Variants in NCALD observed in about 807,000 individuals in gnomAD.
NCALD encodes neurocalcin delta, also known as neurocalcin-delta.
A neutral mutation model predicts 18.6 loss-of-function variants in NCALD; 10 were observed. That is an observed-to-expected ratio of 0.54 (90% CI 0.33 to 0.91). The LOEUF is 0.91. Ranked by LOEUF, NCALD falls within the 40% of genes least tolerant of loss-of-function variation. The pLI is 0.03. For missense variants in NCALD, 184 were observed against 247.6 expected (o/e 0.74, Z 1.72); for synonymous variants, 88 against 87.4 (o/e 1.01, Z -0.04).
intron 2 of NCALD, among the ~76,000 whole-genome samples, chr8:101,706,935 TA>T (rs1228196966): frequency 1.3e-5 from 2 of 152,242 alleles, no homozygotes; most frequent in African/African-American, 4.8e-5. Flanking sequence ...AAGCAAGCAC[TA>T]AAGTCAGTTC....
intron 1 of NCALD, among the ~76,000 whole-genome samples, chr8:102,036,886 T>C (rs1822886192): frequency 6.6e-6 from 1 of 152,224 alleles, no homozygotes. Flanking sequence ...CAACATTTTA[T>C]AAGATTAATT....
chr8:101,945,452 A>C (rs189560892), intron 2 of NCALD, among the ~76,000 whole-genome samples: 21 of 152,340 alleles, frequency 1.4e-4, no homozygotes, highest in African/African-American at 3.8e-4. Flanking sequence ...GGAAAATGGA[A>C]AAGAGGTAAG....
chr8:101,799,167 T>C (rs572960323), intron 4 of NCALD, among the ~76,000 whole-genome samples: 82 of 152,080 alleles, frequency 5.4e-4, no homozygotes, highest in Admixed American at 8.5e-4. Flanking sequence ...TCAAAGAATA[T>C]ACACAGATAA....
intron 1 of NCALD, among the ~76,000 whole-genome samples, chr8:101,733,166 A>C (rs1442445939): frequency 6.6e-6 from 1 of 152,218 alleles, no homozygotes; most frequent in Non-Finnish European, 1.5e-5. Context: ...CATGGCTAAA[A>C]GTATTAATGT....
intron 1 of NCALD, among the ~76,000 whole-genome samples, chr8:102,027,340 C>T (rs2132123844): frequency 6.6e-6 from 1 of 152,298 alleles, no homozygotes; most frequent in South Asian, 2.1e-4. Flanking sequence ...CTGCCAGATA[C>T]CCTATATCAT....
intron 3 of NCALD, among the ~76,000 whole-genome samples, chr8:101,914,615 A>G (rs1464797653): frequency 6.6e-6 from 1 of 152,212 alleles, no homozygotes; most frequent in Non-Finnish European, 1.5e-5. Flanking sequence ...ATGTATTTAT[A>G]TCAGTATAGA....
chr8:101,877,158 A>G (rs1002561466), intron 4 of NCALD, among the ~76,000 whole-genome samples: 1 of 152,258 alleles, frequency 6.6e-6, no homozygotes, highest in Admixed American at 6.5e-5. Context: ...ACAGTTAAAG[A>G]TTTGAAGTAA....
chr8:101,945,780 C>T (rs1819145120), intron 2 of NCALD, among the ~76,000 whole-genome samples: 1 of 152,178 alleles, frequency 6.6e-6, no homozygotes, highest in Non-Finnish European at 1.5e-5. Context: ...TTCAAAGGTT[C>T]CTAAGCTTCT....
chr8:101,916,145 T>C (rs1453223960), intron 2 of NCALD, among the ~76,000 whole-genome samples: 1 of 152,076 alleles, frequency 6.6e-6, no homozygotes, highest in Non-Finnish European at 1.5e-5. Flanking sequence ...GAAGAGGATA[T>C]GAGAGTTAAG....
At chr8:101,804,635 T>C (rs1241563920) in intron 4 of NCALD, among the ~76,000 whole-genome samples, 2 of 135,852 alleles carry the variant, frequency 1.5e-5, no homozygotes, top group Non-Finnish European at 3.1e-5. Flanking sequence ...TTAATATAAT[T>C]AACTATTATA....
At chr8:101,863,172 T>A (rs1344475688) in intron 4 of NCALD, among the ~76,000 whole-genome samples, 3 of 152,152 alleles carry the variant, frequency 2.0e-5, no homozygotes, top group Non-Finnish European at 4.4e-5. Context: ...CTCCATCACC[T>A]CTCATTCTCT....
intron 1 of NCALD, among the ~76,000 whole-genome samples, chr8:101,777,979 G>A (rs761536867): frequency 4.6e-5 from 7 of 152,216 alleles, no homozygotes; most frequent in Non-Finnish European, 8.8e-5. Flanking sequence ...ATTCAGGTCT[G>A]GAGCCATAGG....
At chr8:101,911,879 T>G (rs1427923470) in intron 3 of NCALD, among the ~76,000 whole-genome samples, 1 of 152,160 alleles carries the variant, frequency 6.6e-6, no homozygotes, top group Non-Finnish European at 1.5e-5. Flanking sequence ...AACCCACAGT[T>G]AGACACAAGG....
chr8:101,838,947 C>T (rs567690662), intron 4 of NCALD, among the ~76,000 whole-genome samples: 1 of 152,284 alleles, frequency 6.6e-6, no homozygotes, highest in East Asian at 1.9e-4. Context: ...AGTGGTTCAG[C>T]ATTTATAGGG....
Position 102,045,337 on chromosome 8 carries a change from T to A in NCALD, c.-209-25048A>T, listed in dbSNP as rs79469886. 8.8e-3 allele frequency among the ~76,000 whole-genome samples: 1,340 copies of A among 152,332 alleles called. 13 individuals are homozygous for A. The highest frequency in any genetic ancestry group is 0.013 in the Non-Finnish European group (898 of 68,024). On this transcript the variant is annotated intron_variant, in intron 1 of 6. Transcript: ENST00000311028. ...CTGTGTGACCTTGGGAACTGCACTT[T>A]AACCTCACTGAAATGCACATAGCTC...
chr8:101,806,736 G>A (rs1347557770), intron 4 of NCALD, among the ~76,000 whole-genome samples: 2 of 152,124 alleles, frequency 1.3e-5, no homozygotes, highest in African/African-American at 4.8e-5. Flanking sequence ...ATCAATATGT[G>A]TATAAAACAC....
intron 4 of NCALD, among the ~76,000 whole-genome samples, chr8:101,879,921 T>C (rs1436113032): frequency 6.6e-6 from 1 of 152,136 alleles, no homozygotes; most frequent in Non-Finnish European, 1.5e-5. Flanking sequence ...CTTCCTCTGG[T>C]GGATCACCCT....
At chr8:101,849,343 A>C (rs1387252846) in intron 4 of NCALD, among the ~76,000 whole-genome samples, 1 of 152,156 alleles carries the variant, frequency 6.6e-6, no homozygotes, top group Non-Finnish European at 1.5e-5. Flanking sequence ...CTGCACATGT[A>C]CCCCTGAACT....
chr8:101,804,981 G>A (rs761160028), intron 4 of NCALD, among the ~76,000 whole-genome samples: 4 of 151,774 alleles, frequency 2.6e-5, no homozygotes, highest in Non-Finnish European at 4.4e-5. Flanking sequence ...TTAATGACTC[G>A]GCATATATAT....
Sources: allele counts gnomAD v4.1 joint callset (sites outside exome capture counted in the v4.1 genomes callset), GRCh38; gene constraint gnomAD v4.1.1; transcripts MANE v1.5; gene names NCBI Gene and HGNC (gene_info 2026-07-23, HGNC 2026-07-21).